The following ACAD9 variants were observed in gnomAD, a reference collection of about 807,000 sequenced individuals.
ACAD9 encodes the protein complex I assembly factor ACAD9, mitochondrial.
ACAD9 carries 53 observed loss-of-function variants against 70.2 expected under a neutral mutation model. The ratio of observed to expected loss-of-function variants is 0.75; its 90% confidence interval spans 0.61 to 0.95. ACAD9 has a LOEUF of 0.95. Among genes scored for constraint, ACAD9 ranks in the 40% least tolerant of loss-of-function variants. The pLI, the probability that ACAD9 is intolerant of heterozygous loss-of-function variation, is 0.00. For missense variants in ACAD9, 777 were observed against 802.8 expected (o/e 0.97, Z 0.39); for synonymous variants, 313 against 312.1 (o/e 1.00, Z -0.03).
intron 12 of ACAD9, 73 bp from the exon 13 acceptor site, chr3:128,908,112 A>G (rs1935951131): frequency 1.4e-6 from 2 of 1,432,818 alleles, no homozygotes; most frequent in Non-Finnish European, 2.0e-6. Context: ...GGCCGGCTCT[A>G]CCCAGCACAC....
At chr3:128,889,080 C>T (rs1935335581) in intron 2 of ACAD9, among the ~76,000 whole-genome samples, 1 of 151,436 alleles carries the variant, frequency 6.6e-6, no homozygotes. Flanking sequence ...TTCATATACA[C>T]AAATACTTAC....
chr3:128,899,380 A>G lies in ACAD9; in HGVS notation c.727A>G (p.Thr243Ala). The G allele has an allele frequency of 6.2e-7, 1 of 1,614,282 alleles. No homozygotes were observed. Among genetic ancestry groups the G allele is most frequent in the Non-Finnish European group, 8.5e-7 (1 of 1,180,054 alleles). ...DSDGSVKDKI[T>A]AFIVERDFGG... The stretch of plus-strand genomic sequence containing the variant: ...TGATGGATCAGTGAAAGACAAAATC[A>G]CAGCATTCATAGTAGAAAGAGACTT... Residue 243 changes from threonine to alanine, a missense_variant, in exon 7 of 18, where the codon ACA becomes GCA. Physicochemically the swap from Thr to Ala is moderately conservative, Grantham distance 58. Transcript: ENST00000308982.
At chr3:128,885,948 C>T (rs1935231488) in intron 2 of ACAD9, among the ~76,000 whole-genome samples, 1 of 151,336 alleles carries the variant, frequency 6.6e-6, no homozygotes, top group Non-Finnish European at 1.5e-5. Context: ...ACCCAGGAGG[C>T]AGAGATTGTA....
chr3:128,909,891 A>C, intron 15 of ACAD9, 130 bp from the exon 16 acceptor site: 5 of 1,285,828 alleles, frequency 3.9e-6, no homozygotes, highest in Admixed American at 2.0e-5. Flanking sequence ...CCTGAAGAGA[A>C]AGGTGTTATT....
chr3:128,891,846 G>A (rs936390864), intron 2 of ACAD9, among the ~76,000 whole-genome samples: 16 of 152,098 alleles, frequency 1.1e-4, no homozygotes, highest in African/African-American at 3.6e-4. Context: ...ATTTATTTAT[G>A]TAGTTTTTTG....
intron 2 of ACAD9, among the ~76,000 whole-genome samples, chr3:128,889,970 C>T (rs573478434): frequency 6.6e-6 from 1 of 152,016 alleles, no homozygotes; most frequent in East Asian, 1.9e-4. Flanking sequence ...TACAGGCACA[C>T]GCTACCATGC....
chr3:128,881,468 T>C (rs1284457525), intron 1 of ACAD9, among the ~76,000 whole-genome samples: 1 of 152,256 alleles, frequency 6.6e-6, no homozygotes, highest in Non-Finnish European at 1.5e-5. Flanking sequence ...GTGAACTGTC[T>C]GCTCCTGGCA....
rs1175670101 is a variant in ACAD9 at position 128,902,852 on chromosome 3, G to A, written c.958+224G>A. Among the ~76,000 whole-genome samples the A allele has an allele frequency of 2.0e-5, 3 of 152,188 alleles. No individual in the cohort carries two copies. The highest frequency in any genetic ancestry group is 7.2e-5 in the African/African-American group (3 of 41,436). On this transcript the variant is annotated intron_variant, in intron 9 of 17. Coordinates refer to ENST00000308982, the MANE Select transcript of ACAD9 (RefSeq NM_014049.5). This position sits in a 1 kb window ranked among gnomAD's most constrained non-coding sequence, Gnocchi z 4.0. ...TCTGTTTCACCTCCACCCGGGTGATGCTGACTGGGGGACAGGCTTTCTGTC... is the reference window on the plus strand; with the variant it reads ...TCTGTTTCACCTCCACCCGGGTGATACTGACTGGGGGACAGGCTTTCTGTC...
chr3:128,899,218 A>G, intron 6 of ACAD9, 69 bp from the exon 7 acceptor site: 1 of 1,555,936 alleles, frequency 6.4e-7, no homozygotes, highest in Non-Finnish European at 8.9e-7. Flanking sequence ...AGCTTGATGG[A>G]CAAAGACAGA....
chr3:128,910,134 C>T lies in ACAD9; in HGVS notation c.1677C>T (p.Arg559=). 1 of 1,614,070 alleles carries T rather than the reference C, an allele frequency of 6.2e-7. No homozygotes were observed. The highest frequency in any genetic ancestry group is 8.5e-7 in the Non-Finnish European group (1 of 1,180,038). The change falls in exon 16 of 18, where the codon CGC becomes CGT. Residue 559 remains arginine, a synonymous_variant. Transcript: ENST00000308982. ...GCCGCTCCATCCGCATTGGGCTCCG[C>T]AACCACGACCACGAGGTGAGCCCAG... ...RASRSIRIGL[R]NHDHEVLLAN...
At chr3:128,886,745 A>G (rs937876040) in intron 2 of ACAD9, among the ~76,000 whole-genome samples, 17 of 152,018 alleles carry the variant, frequency 1.1e-4, no homozygotes, top group Middle Eastern at 3.4e-3. Context: ...TTAAAAAAAA[A>G]AAAAGAAAAA....
chr3:128,906,389 G>T, intron 12 of ACAD9, 140 bp downstream of exon 12: 1 of 1,327,402 alleles, frequency 7.5e-7, no homozygotes, highest in South Asian at 1.3e-5. Context: ...GCCCTGGCAC[G>T]TCTCCTTCCC....
intron 6 of ACAD9, among the ~76,000 whole-genome samples, 184 bp from the exon 7 acceptor site, chr3:128,899,103 C>T (rs534890187): frequency 6.6e-6 from 1 of 152,074 alleles, no homozygotes. Flanking sequence ...AATCCTTGCT[C>T]TGGGGAAAGT....
intron 2 of ACAD9, among the ~76,000 whole-genome samples, chr3:128,889,497 G>C (rs1026988314): frequency 6.6e-6 from 1 of 152,178 alleles, no homozygotes; most frequent in Non-Finnish European, 1.5e-5. Context: ...GGAAGTGAAC[G>C]TACTCATTAC....
intron 6 of ACAD9, 27 bp downstream of exon 6, chr3:128,897,737 T>G: frequency 6.2e-7 from 1 of 1,604,634 alleles, no homozygotes; most frequent in Non-Finnish European, 8.5e-7. Context: ...ATGGCCACAT[T>G]AGGGTCTCAG....
intron 2 of ACAD9, among the ~76,000 whole-genome samples, chr3:128,892,682 G>T (rs1935457429): frequency 6.6e-6 from 1 of 152,166 alleles, no homozygotes; most frequent in Non-Finnish European, 1.5e-5. Flanking sequence ...TGTGAATGTT[G>T]AATGAATGAA....
chr3:128,909,871 T>C, intron 15 of ACAD9, 150 bp from the exon 16 acceptor site: 1 of 1,123,878 alleles, frequency 8.9e-7, no homozygotes, highest in Admixed American at 2.0e-5. Flanking sequence ...TGGGAGCCGT[T>C]CTCCCACAAC....
intron 1 of ACAD9, among the ~76,000 whole-genome samples, chr3:128,881,283 G>A (rs188250569): frequency 6.6e-6 from 1 of 152,230 alleles, no homozygotes; most frequent in African/African-American, 2.4e-5. Flanking sequence ...AGATCTTTCA[G>A]ATCTGTTTCC....
chr3:128,893,967 C>T (rs1935495756), intron 3 of ACAD9, among the ~76,000 whole-genome samples: 1 of 152,194 alleles, frequency 6.6e-6, no homozygotes. Flanking sequence ...ATTCTTTGAG[C>T]ATCCTAGTGA....
Sources: allele counts gnomAD v4.1 joint callset (sites outside exome capture counted in the v4.1 genomes callset), GRCh38; gene constraint gnomAD v4.1.1; non-coding constraint Gnocchi (gnomAD v3.1); transcripts MANE v1.5; gene names NCBI Gene and HGNC (gene_info 2026-07-23, HGNC 2026-07-21).